Variants in GAD2 observed in about 807,000 individuals in gnomAD.
GAD2 encodes 65 kDa glutamic acid decarboxylase.
A neutral mutation model predicts 80.1 loss-of-function variants in GAD2; 22 were observed. The observed-to-expected ratio is 0.27, with a 90% CI of 0.20 to 0.39. The LOEUF (loss-of-function observed/expected upper bound fraction) is 0.39, where lower values mean the gene tolerates loss of function less well. Among genes scored for constraint, GAD2 ranks in the 10% least tolerant of loss-of-function variants. The pLI is 1.00. For synonymous variants in GAD2, 274 were observed against 256.9 expected (o/e 1.07, Z -0.64); for missense variants, 624 against 738.4 (o/e 0.85, Z 1.80).
chr10:26,274,235 G>A (rs751010734), intron 11 of GAD2, among the ~76,000 whole-genome samples: 15 of 152,162 alleles, frequency 9.9e-5, no homozygotes, highest in Non-Finnish European at 1.6e-4. Flanking sequence ...TTTCATTCCC[G>A]TAATAACCTT....
At chr10:26,276,916 A>C (rs150696639) in intron 11 of GAD2, among the ~76,000 whole-genome samples, 14 of 152,354 alleles carry the variant, frequency 9.2e-5, no homozygotes, top group African/African-American at 3.4e-4. Flanking sequence ...AGCACAACGC[A>C]CTGCATGGGT....
intron 8 of GAD2, among the ~76,000 whole-genome samples, chr10:26,263,649 A>G (rs181022470): frequency 7.2e-5 from 11 of 152,344 alleles, no homozygotes; most frequent in Admixed American, 5.9e-4. Flanking sequence ...TCTCCTTGCC[A>G]TCTTGATAGG....
At chr10:26,227,082 T>C (rs1423322988) in intron 6 of GAD2, among the ~76,000 whole-genome samples, 1 of 152,224 alleles carries the variant, frequency 6.6e-6, no homozygotes, top group East Asian at 1.9e-4. Context: ...AACCTCCATC[T>C]CCTGGGTTCA....
chr10:26,250,009 A>G (rs560740905), intron 8 of GAD2, among the ~76,000 whole-genome samples: 1 of 152,208 alleles, frequency 6.6e-6, no homozygotes, highest in African/African-American at 2.4e-5. Flanking sequence ...TGTGAAAGTC[A>G]AAGATATTTA....
chr10:26,274,357 A>G (rs1180889716), intron 11 of GAD2, among the ~76,000 whole-genome samples: 3 of 152,236 alleles, frequency 2.0e-5, no homozygotes, highest in Admixed American at 6.5e-5. Flanking sequence ...GATTGGCATA[A>G]AGCACATTCA....
chr10:26,277,618 A>C (rs1845225231), intron 11 of GAD2, among the ~76,000 whole-genome samples: 1 of 152,236 alleles, frequency 6.6e-6, no homozygotes. Context: ...ACAGGAAAGA[A>C]GCTGAGTGTG....
rs1834338181 is a variant in GAD2 at position 26,302,512 on chromosome 10, A to T, written c.*1551A>T. On this transcript the variant is annotated 3_prime_UTR_variant, in exon 16 of 16. Coordinates refer to ENST00000376261, the MANE Select transcript of GAD2 (RefSeq NM_001134366.2). ...TCGTCAGATTCCAAGTGCTGATTGG[A>T]GAACAATAGATTGATATGCAGACTG... is the stretch of plus-strand genomic sequence containing the variant. The T allele has an allele frequency of 6.6e-6, 1 of 152,238 alleles. No homozygotes were observed. The highest frequency in any genetic ancestry group is 1.5e-5 in the Non-Finnish European group (1 of 68,048). 9.4% of individuals were successfully genotyped at this position (152,238 alleles called of 1,614,324 possible). A position where few individuals can be genotyped will look rare whatever the true frequency, so the allele number is the denominator to read the frequency against.
intron 15 of GAD2, among the ~76,000 whole-genome samples, chr10:26,298,852 T>C (rs1834300926): frequency 6.6e-6 from 1 of 152,204 alleles, no homozygotes; most frequent in African/African-American, 2.4e-5. Context: ...CCATGCCCCT[T>C]TGGCTGGAAT....
At chr10:26,224,040 T>C (rs1325346402) in intron 5 of GAD2, 63 bp downstream of exon 5, 3 of 1,167,876 alleles carry the variant, frequency 2.6e-6, no homozygotes, top group Admixed American at 3.7e-5. Flanking sequence ...CCATAGTCTT[T>C]ACATCTTATG....
Position 26,227,649 on chromosome 10 carries a change from A to G in GAD2, c.725-2013A>G, listed in dbSNP as rs146641633. ...TTGATTGTCTGGGGGAGAGGGTGCT[A>G]TGGGCATCTGGTGGGTAGAAACCAG... On this transcript the variant is annotated intron_variant, in intron 6 of 15. Transcript: ENST00000376261. Among the ~76,000 whole-genome samples the G allele has an allele frequency of 3.5e-3, 536 of 152,318 alleles. 3 individuals carry two copies. Among genetic ancestry groups the G allele is most frequent in the African/African-American group, 0.012 (511 of 41,574 alleles).
At chr10:26,248,887 C>A (rs1844843714) in intron 8 of GAD2, among the ~76,000 whole-genome samples, 1 of 152,006 alleles carries the variant, frequency 6.6e-6, no homozygotes, top group Non-Finnish European at 1.5e-5. Flanking sequence ...GGTCTGGAAA[C>A]AAGGTAACTG....
rs201987095 is a variant in GAD2 at position 26,217,973 on chromosome 10, G to A, written c.268G>A (p.Ala90Thr). ...CTGCTCCAAAGTGGATGTCAACTAC[G>A]CGTTTCTCCATGCAACAGGTAAAGA... ...CSCSKVDVNY[A>T]FLHATDLLPA... Residue 90 changes from alanine to threonine, a missense_variant, in exon 3 of 16, where the codon GCG (alanine) becomes ACG (threonine). Transcript: ENST00000376261. The surrounding 1 kb of genome is among the most constrained non-coding windows in gnomAD (Gnocchi z 4.9). The A allele has an allele frequency of 6.2e-7, 1 of 1,610,996 alleles. No individual in the cohort carries two copies. The highest frequency in any genetic ancestry group is 1.3e-5 in the African/African-American group (1 of 74,888).
rs1021061467 is a variant in GAD2, at chr10:26,303,010, G to C, written c.*2049G>C. ...ACTATCCGGAGCCTCAGGCCCAAAG[G>C]TTCCACTTCAGAGACAGAGATGCTA... is the stretch of plus-strand genomic sequence containing the variant. On this transcript the variant is annotated 3_prime_UTR_variant, in exon 16 of 16. Coordinates refer to ENST00000376261, the MANE Select transcript of GAD2 (RefSeq NM_001134366.2). The C allele has an allele frequency of 3.3e-5, 5 of 152,176 alleles. No individual in the cohort carries two copies. The highest frequency in any genetic ancestry group is 4.8e-5 in the African/African-American group (2 of 41,424). 9.4% of individuals were successfully genotyped at this position (152,176 alleles called of 1,614,324 possible).
Position 26,300,838 on chromosome 10 carries a change from C to T in GAD2, c.1635C>T (p.Val545=). Residue 545 remains valine (V), a synonymous_variant, in exon 16 of 16, where the codon GTC becomes GTT. Coordinates refer to ENST00000376261, the MANE Select transcript of GAD2 (RefSeq NM_001134366.2). ...TGATGGAGTATGGAACCACAATGGT[C>T]AGCTACCAACCCTTGGGAGACAAGG... The part of the protein sequence containing the change: ...ARMMEYGTTM[V]SYQPLGDKVN... The T allele has an allele frequency of 6.2e-7, 1 of 1,613,826 alleles. No individual in the cohort carries two copies. Among genetic ancestry groups the T allele is most frequent in the South Asian group, 1.1e-5 (1 of 91,058 alleles).
At position 26,217,785 on chromosome 10, in the gene GAD2, G is replaced by T; in HGVS notation, c.137-57G>T. On this transcript the variant is annotated intron_variant, in intron 2 of 15. Coordinates refer to ENST00000376261, the MANE Select transcript of GAD2 (RefSeq NM_001134366.2). This position sits in a 1 kb window ranked among gnomAD's most constrained non-coding sequence, Gnocchi z 4.9. ...TTCCTGGCTGCGGGTAGGCGGGAGC[G>T]AGGGAGCCGGGCCCGGCGGAGGATT... 1.3e-6 allele frequency: 2 copies of T among 1,579,594 alleles called. No individual in the cohort carries two copies. Among genetic ancestry groups the T allele is most frequent in the Non-Finnish European group, 1.7e-6 (2 of 1,161,882 alleles).
intron 8 of GAD2, among the ~76,000 whole-genome samples, chr10:26,251,975 C>T (rs1212574928): frequency 6.6e-6 from 1 of 152,218 alleles, no homozygotes; most frequent in Non-Finnish European, 1.5e-5. Flanking sequence ...AATTAAAACA[C>T]TCTCGGCAGC....
chr10:26,218,080 G>T lies in GAD2; in HGVS notation c.286+89G>T. 3 of 1,369,020 alleles carry T rather than the reference G, an allele frequency of 2.2e-6. No homozygotes were observed. In the South Asian group the frequency reaches 4.3e-5, roughly 20 times the overall value. 84.8% of individuals were successfully genotyped at this position (1,369,020 alleles called of 1,614,324 possible). On this transcript the variant is annotated intron_variant, in intron 3 of 15. Transcript: ENST00000376261. Reference sequence around the variant, plus strand: ...CGGTGCGGGTCCGGCGCTGAGAGCCGGACAGGGGCGTCGAGGTGGCAGCGG... The same window carrying T: ...CGGTGCGGGTCCGGCGCTGAGAGCCTGACAGGGGCGTCGAGGTGGCAGCGG...
intron 4 of GAD2, 94 bp downstream of exon 4, chr10:26,219,370 A>G: frequency 1.2e-6 from 1 of 814,538 alleles, no homozygotes; most frequent in Non-Finnish European, 1.8e-6. Context: ...GGAGTTACTG[A>G]TATTTTCAAA....
chr10:26,284,432 G>C (rs1212415222), intron 12 of GAD2, among the ~76,000 whole-genome samples: 1 of 152,130 alleles, frequency 6.6e-6, no homozygotes, highest in African/African-American at 2.4e-5. Flanking sequence ...GTTTTAAATA[G>C]TTTGGGACAG....
Sources: allele counts gnomAD v4.1 joint callset (sites outside exome capture counted in the v4.1 genomes callset), GRCh38; gene constraint gnomAD v4.1.1; non-coding constraint Gnocchi (gnomAD v3.1); transcripts MANE v1.5; gene names NCBI Gene and HGNC (gene_info 2026-07-23, HGNC 2026-07-21).